Variants in RTN1 observed in about 807,000 individuals in gnomAD.
RTN1 encodes the protein reticulon-1.
Under a neutral mutation model 65.5 loss-of-function variants are expected in RTN1, and 25 were observed. The observed-to-expected ratio is 0.38, with a 90% CI of 0.28 to 0.53. The LOEUF (loss-of-function observed/expected upper bound fraction) is 0.53, where lower values mean the gene tolerates loss of function less well. Ranked by LOEUF, RTN1 falls within the 20% of genes least tolerant of loss-of-function variation. The pLI, the probability that RTN1 is intolerant of heterozygous loss-of-function variation, is 0.79. For missense variants in RTN1, 983 were observed against 1,025.4 expected (o/e 0.96, Z 0.57); for synonymous variants, 471 against 447.6 (o/e 1.05, Z -0.66).
At chr14:59,752,750 C>G (rs1885558500) in intron 1 of RTN1, among the ~76,000 whole-genome samples, 1 of 152,152 alleles carries the variant, frequency 6.6e-6, no homozygotes, top group Non-Finnish European at 1.5e-5. Flanking sequence ...ATGGACTCTT[C>G]AATCCATTAA....
At chr14:59,860,964 G>A (rs1429404437) in intron 1 of RTN1, among the ~76,000 whole-genome samples, 1 of 152,184 alleles carries the variant, frequency 6.6e-6, no homozygotes, top group African/African-American at 2.4e-5. Flanking sequence ...TGATTTTACA[G>A]GCTTATAGGC....
At position 59,727,445 on chromosome 14, in the gene RTN1, G is replaced by C; in HGVS notation, c.1239C>G (p.Ile413Met). 1 of 1,556,906 alleles carries C rather than the reference G, an allele frequency of 6.4e-7. No homozygotes were observed. Among genetic ancestry groups the C allele is most frequent in the Non-Finnish European group, 8.7e-7 (1 of 1,151,184 alleles). ...ASSAESGDSE[I>M]ELVSEDPMAA... ...CCATGGGGTCCTCGGACACCAGCTC[G>C]ATCTCTGAGTCCCCCGACTCCGCGC... Residue 413 changes from isoleucine (I) to methionine (M), a missense_variant, in exon 3 of 9, where the codon ATC (isoleucine) becomes ATG (methionine). Transcript: ENST00000267484. This position sits in a 1 kb window ranked among gnomAD's most constrained non-coding sequence, Gnocchi z 4.2.
chr14:59,749,382 ATC>A lies in RTN1; in HGVS notation c.242-2903_242-2902del, dbSNP rs1217287964. Among the ~76,000 whole-genome samples the A allele has an allele frequency of 9.0e-5, 5 of 55,384 alleles. 1 individual carries two copies. Among genetic ancestry groups the A allele is most frequent in the Non-Finnish European group, 1.4e-4 (5 of 36,796 alleles). The allele number at this position is 55,384 out of a possible 152,430, so 36.3% of individuals were successfully genotyped here. On this transcript the variant is annotated intron_variant, in intron 1 of 8. Coordinates refer to ENST00000267484, the MANE Select transcript of RTN1 (RefSeq NM_021136.3). The stretch of plus-strand genomic sequence containing the variant: ...TCTATATATATATCTATATATCTAT[ATC>A]TATATATATCTATATATATCTATAT...
chr14:59,652,740 T>C lies in RTN1; in HGVS notation c.1766-45248A>G, dbSNP rs139250613. ...TTGGGTACTAGGCTTAGTACCTGGC[T>C]CATGAAATAATCTGTAAGATAAGCT... On this transcript the variant is annotated intron_variant, in intron 3 of 8. Coordinates refer to ENST00000267484, the MANE Select transcript of RTN1 (RefSeq NM_021136.3). Among the ~76,000 whole-genome samples the C allele has an allele frequency of 5.0e-3, 762 of 152,196 alleles. 4 individuals are homozygous for C. Among genetic ancestry groups the C allele is most frequent in the Non-Finnish European group, 8.8e-3 (598 of 68,018 alleles).
intron 1 of RTN1, among the ~76,000 whole-genome samples, chr14:59,869,941 C>T (rs2052911807): frequency 1.3e-5 from 2 of 152,192 alleles, no homozygotes; most frequent in South Asian, 4.2e-4. Context: ...GTCCAGGGGC[C>T]GCGGGCCTGC....
At chr14:59,768,116 T>A (rs1274526258) in intron 1 of RTN1, among the ~76,000 whole-genome samples, 1 of 152,230 alleles carries the variant, frequency 6.6e-6, no homozygotes, top group African/African-American at 2.4e-5. Flanking sequence ...ATGTCTACTT[T>A]AGAATTTCCA....
At chr14:59,687,618 C>T (rs1883874746) in intron 3 of RTN1, among the ~76,000 whole-genome samples, 1 of 151,908 alleles carries the variant, frequency 6.6e-6, no homozygotes, top group Non-Finnish European at 1.5e-5. Context: ...CCTAAGCTGC[C>T]CTACCTTTCC....
chr14:59,838,245 G>A (rs1204871257), intron 1 of RTN1, among the ~76,000 whole-genome samples: 1 of 152,090 alleles, frequency 6.6e-6, no homozygotes, highest in Non-Finnish European at 1.5e-5. Context: ...TTAGGTAATC[G>A]CCTTCAGCCG....
intron 1 of RTN1, among the ~76,000 whole-genome samples, chr14:59,822,200 T>C (rs1195864430): frequency 6.6e-6 from 1 of 152,208 alleles, no homozygotes; most frequent in Non-Finnish European, 1.5e-5. Flanking sequence ...TTGTTATTGG[T>C]CTGTTCAGGA....
chr14:59,817,602 C>A (rs1003943414), intron 1 of RTN1, among the ~76,000 whole-genome samples: 3 of 151,148 alleles, frequency 2.0e-5, no homozygotes, highest in Non-Finnish European at 4.4e-5. Flanking sequence ...ACTAAAGCAT[C>A]CATCTATCTA....
intron 3 of RTN1, among the ~76,000 whole-genome samples, chr14:59,612,003 C>T (rs550516062): frequency 1.3e-5 from 2 of 152,114 alleles, no homozygotes; most frequent in South Asian, 4.1e-4. Context: ...TGCCCAGAGA[C>T]CCCATTGTGA....
Position 59,727,454 on chromosome 14 carries a change from G to T in RTN1, c.1230C>A (p.Asp410Glu). 1 of 1,559,812 alleles carries T rather than the reference G, an allele frequency of 6.4e-7. No individual in the cohort carries two copies. Among genetic ancestry groups the T allele is most frequent in the Non-Finnish European group, 8.7e-7 (1 of 1,152,578 alleles). The stretch of plus-strand genomic sequence containing the variant: ...CCTCGGACACCAGCTCGATCTCTGA[G>T]TCCCCCGACTCCGCGCTGCTGGCCT... ...DHEASSAESG[D>E]SEIELVSEDP... The change falls in exon 3 of 9, where the codon GAC (aspartate) becomes GAA (glutamate). Residue 410 changes from aspartate (D) to glutamate (E), a missense_variant. Around this residue, in one of 2 missense-constraint regions of RTN1, gnomAD observed 818 missense variants for 801.8 expected, o/e 1.02. Transcript: ENST00000267484. The surrounding 1 kb of genome is among the most constrained non-coding windows in gnomAD (Gnocchi z 4.2).
chr14:59,623,339 G>A (rs1178212201), intron 3 of RTN1, among the ~76,000 whole-genome samples: 2 of 152,204 alleles, frequency 1.3e-5, no homozygotes, highest in African/African-American at 2.4e-5. Context: ...TGATGTGTAA[G>A]CCCTTGGTCA....
At chr14:59,834,715 C>T (rs1887184633) in intron 1 of RTN1, among the ~76,000 whole-genome samples, 2 of 152,260 alleles carry the variant, frequency 1.3e-5, no homozygotes, top group East Asian at 1.9e-4. Flanking sequence ...AGAAGATATA[C>T]AGCATTTGTT....
At chr14:59,699,037 G>A (rs1446952217) in intron 3 of RTN1, among the ~76,000 whole-genome samples, 2 of 152,094 alleles carry the variant, frequency 1.3e-5, no homozygotes, top group Non-Finnish European at 2.9e-5. Context: ...ATTTGAATCT[G>A]TTCCAGCTGG....
intron 1 of RTN1, among the ~76,000 whole-genome samples, chr14:59,793,416 CT>C (rs1255346809): frequency 6.6e-6 from 1 of 152,048 alleles, no homozygotes; most frequent in Admixed American, 6.6e-5. Context: ...TAAATGCAAC[CT>C]TTTTTTCTTA....
chr14:59,823,392 G>A (rs1886977345), intron 1 of RTN1, among the ~76,000 whole-genome samples: 2 of 151,620 alleles, frequency 1.3e-5, no homozygotes, highest in South Asian at 4.2e-4. Context: ...CTTTTACTTT[G>A]AGCCTATGGG....
chr14:59,710,849 T>C (rs1320207906), intron 3 of RTN1, among the ~76,000 whole-genome samples: 3 of 152,238 alleles, frequency 2.0e-5, no homozygotes, highest in African/African-American at 4.8e-5. Context: ...AATCCAATTA[T>C]AGAATGTGAT....
chr14:59,711,744 G>A (rs1196495588), intron 3 of RTN1, among the ~76,000 whole-genome samples: 2 of 152,172 alleles, frequency 1.3e-5, no homozygotes, highest in African/African-American at 2.4e-5. Context: ...ACAAATAAAG[G>A]AAGGCATACA....
Sources: allele counts gnomAD v4.1 joint callset (sites outside exome capture counted in the v4.1 genomes callset), GRCh38; gene constraint gnomAD v4.1.1; regional missense constraint gnomAD v4.1.1; non-coding constraint Gnocchi (gnomAD v3.1); transcripts MANE v1.5; gene names NCBI Gene and HGNC (gene_info 2026-07-23, HGNC 2026-07-21).